Variants in ROBO2 observed in about 807,000 individuals in gnomAD.
The protein encoded by ROBO2 is roundabout guidance receptor 2.
ROBO2 carries 53 observed loss-of-function variants against 160.8 expected under a neutral mutation model. That is an observed-to-expected ratio of 0.33 (90% CI 0.26 to 0.41). The LOEUF (loss-of-function observed/expected upper bound fraction) is 0.41. Among genes scored for constraint, ROBO2 ranks in the 10% least tolerant of loss-of-function variants. The pLI is 1.00. For missense variants in ROBO2, 1,577 were observed against 1,722.4 expected (o/e 0.92, Z 1.49); for synonymous variants, 664 against 611.7 (o/e 1.09, Z -1.26).
chr3:76,908,313 G>A (rs2075753757), intron 2 of ROBO2, among the ~76,000 whole-genome samples: 1 of 152,140 alleles, frequency 6.6e-6, no homozygotes, highest in Non-Finnish European at 1.5e-5. Context: ...AATTTAATGT[G>A]TTGCTCCAAC....
At chr3:76,626,766 C>T (rs2089669370) in intron 2 of ROBO2, among the ~76,000 whole-genome samples, 1 of 151,978 alleles carries the variant, frequency 6.6e-6, no homozygotes, top group South Asian at 2.1e-4. Flanking sequence ...GATCTCTGCT[C>T]ACTGCAAGTT....
chr3:77,385,850 A>G (rs1444994294), intron 2 of ROBO2, among the ~76,000 whole-genome samples: 1 of 152,208 alleles, frequency 6.6e-6, no homozygotes, highest in African/African-American at 2.4e-5. Context: ...CGTGAGTGAC[A>G]GAGCCTAGAA....
intron 2 of ROBO2, among the ~76,000 whole-genome samples, chr3:76,242,605 G>T (rs149472846): frequency 3.2e-4 from 48 of 152,220 alleles, no homozygotes; most frequent in Non-Finnish European, 2.8e-4. Context: ...CCACATCTAG[G>T]CAGGGCGTGG....
At chr3:76,267,708 A>G (rs1413590361) in intron 2 of ROBO2, among the ~76,000 whole-genome samples, 1 of 152,176 alleles carries the variant, frequency 6.6e-6, no homozygotes. Flanking sequence ...GTTTGCTTAT[A>G]TATGATAAAT....
At chr3:76,334,861 G>A (rs4336132) in intron 2 of ROBO2, among the ~76,000 whole-genome samples, 128,979 of 152,090 alleles carry the variant, frequency 0.85, 56,549 homozygotes, top group Non-Finnish European at 0.98. Flanking sequence ...ACCTGAGGAA[G>A]AGGCACACTA....
rs887057429 is a variant in ROBO2, at chr3:77,338,658, C to T, written c.389-138756C>T. Among the ~76,000 whole-genome samples the T allele has an allele frequency of 4.6e-5, 7 of 152,096 alleles. No homozygotes were observed. In the East Asian group the frequency reaches 9.7e-4, roughly 21 times the overall value. On this transcript the variant is annotated intron_variant, in intron 2 of 25. Transcript: ENST00000461745. ...TATTGAATTAAAATATTGACGTGAA[C>T]ATATTTTTCAAATATGCTTCAAATG... is the stretch of plus-strand genomic sequence containing the variant.
chr3:76,520,809 C>T (rs1022436523), intron 2 of ROBO2, among the ~76,000 whole-genome samples: 2 of 152,062 alleles, frequency 1.3e-5, no homozygotes, highest in African/African-American at 4.8e-5. Context: ...CATTTTAAAA[C>T]ATTTAAAAAG....
intron 2 of ROBO2, among the ~76,000 whole-genome samples, chr3:76,981,873 C>G (rs756289984): frequency 2.0e-4 from 30 of 152,004 alleles, no homozygotes; most frequent in Non-Finnish European, 3.8e-4. Context: ...GAAGATGCCA[C>G]ACAGTTTTAA....
intron 2 of ROBO2, among the ~76,000 whole-genome samples, chr3:76,488,217 C>G (rs928005882): frequency 6.6e-6 from 1 of 152,168 alleles, no homozygotes; most frequent in African/African-American, 2.4e-5. Context: ...AGAATTTTGG[C>G]ACAGCATCAC....
At chr3:76,558,810 A>G (rs2083975882) in intron 2 of ROBO2, among the ~76,000 whole-genome samples, 1 of 152,186 alleles carries the variant, frequency 6.6e-6, no homozygotes, top group Non-Finnish European at 1.5e-5. Flanking sequence ...AACAGAATAA[A>G]TCAGTTTGTT....
chr3:76,162,179 A>G (rs185195094), intron 2 of ROBO2, among the ~76,000 whole-genome samples: 2 of 152,318 alleles, frequency 1.3e-5, no homozygotes, highest in East Asian at 3.9e-4. Flanking sequence ...ATTGTGCTGG[A>G]CATGGAGATG....
chr3:76,709,645 CAGG>C (rs2093247397), intron 2 of ROBO2, among the ~76,000 whole-genome samples: 1 of 152,110 alleles, frequency 6.6e-6, no homozygotes, highest in Non-Finnish European at 1.5e-5. Context: ...AGGGGCTGGA[CAGG>C]AGATTTGAAG....
intron 23 of ROBO2, among the ~76,000 whole-genome samples, chr3:77,625,694 A>C (rs1165631539): frequency 6.6e-6 from 1 of 152,066 alleles, no homozygotes; most frequent in African/African-American, 2.4e-5. Flanking sequence ...GCATCTTTCT[A>C]AGCAGTAGCC....
At chr3:77,543,433 A>G (rs2092567092) in intron 6 of ROBO2, among the ~76,000 whole-genome samples, 1 of 152,196 alleles carries the variant, frequency 6.6e-6, no homozygotes, top group African/African-American at 2.4e-5. Flanking sequence ...GTGGATGCAT[A>G]GATGCGGTCA....
intron 2 of ROBO2, among the ~76,000 whole-genome samples, chr3:76,037,440 T>C (rs2067146683): frequency 6.6e-6 from 1 of 151,748 alleles, no homozygotes; most frequent in African/African-American, 2.4e-5. Flanking sequence ...GTATTTTTAC[T>C]AGAGACGGGG....
intron 2 of ROBO2, among the ~76,000 whole-genome samples, chr3:76,747,194 A>T (rs1311703443): frequency 6.6e-6 from 1 of 152,086 alleles, no homozygotes; most frequent in Non-Finnish European, 1.5e-5. Context: ...GCTTGTTTTT[A>T]CCCAGAAATA....
At chr3:76,747,484 G>A (rs2108158835) in intron 2 of ROBO2, among the ~76,000 whole-genome samples, 1 of 152,090 alleles carries the variant, frequency 6.6e-6, no homozygotes, top group South Asian at 2.1e-4. Flanking sequence ...AGAAAAAGGA[G>A]GAAATTAGCA....
At chr3:76,782,861 G>C (rs550903233) in intron 2 of ROBO2, among the ~76,000 whole-genome samples, 1 of 150,740 alleles carries the variant, frequency 6.6e-6, no homozygotes, top group African/African-American at 2.4e-5. Flanking sequence ...ATTTGCATTT[G>C]TAGTAATTAG....
intron 2 of ROBO2, among the ~76,000 whole-genome samples, chr3:77,426,819 T>A (rs1339441849): frequency 6.6e-6 from 1 of 152,130 alleles, no homozygotes; most frequent in Non-Finnish European, 1.5e-5. Context: ...TTTACTAATT[T>A]GCTTTAATTT....
Sources: gnomAD v4.1 joint callset for allele counts (sites outside exome capture counted in the v4.1 genomes callset) on GRCh38, gnomAD v4.1.1 for gene constraint, MANE v1.5 for transcripts, NCBI Gene and HGNC (gene_info 2026-07-23, HGNC 2026-07-21) for gene names.